ATRX: variants seen among roughly 807,000 people sequenced by gnomAD.
The protein encoded by ATRX is ATRX chromatin remodeler.
ATRX carries 12 observed loss-of-function variants against 172.6 expected under a neutral mutation model. The ratio of observed to expected loss-of-function variants is 0.07; its 90% CI spans 0.04 to 0.11. ATRX has a LOEUF of 0.11. ATRX is among the 10% of genes least tolerant of loss of function. The probability of loss-of-function intolerance (pLI) is 1.00; values close to 1 mark genes in which losing one functional copy is unlikely to be tolerated. For missense variants in ATRX, 1,368 were observed against 1,767.4 expected, an observed-to-expected ratio of 0.77 and a Z score of 4.05; for synonymous variants, 674 against 594.7, an observed-to-expected ratio of 1.13 and a Z score of -1.94.
At chrX:77,780,034 T>C (rs941980802) in intron 1 of ATRX, among the ~76,000 whole-genome samples, 4 of 112,007 alleles carry the variant, frequency 3.6e-5, no homozygotes, top group Non-Finnish European at 5.6e-5. Flanking sequence ...GGCAGAAATA[T>C]ACTGGATATA....
intron 2 of ATRX, among the ~76,000 whole-genome samples, chrX:77,708,714 T>C (rs1379564046): frequency 9.1e-6 from 1 of 110,158 alleles, no homozygotes; most frequent in Non-Finnish European, 1.9e-5. Flanking sequence ...AGAAACTAGA[T>C]TAGTGATTTC....
At chrX:77,679,393 A>G (rs1267208001) in intron 9 of ATRX, among the ~76,000 whole-genome samples, 1 of 111,319 alleles carries the variant, frequency 9.0e-6, no homozygotes, top group Non-Finnish European at 1.9e-5. Context: ...GAAAAAGTTT[A>G]CTCCCCATCA....
intron 22 of ATRX, among the ~76,000 whole-genome samples, chrX:77,608,386 A>G (rs2067011929): frequency 9.4e-6 from 1 of 106,896 alleles, no homozygotes; most frequent in Non-Finnish European, 1.9e-5. Context: ...AAAAAAAAAA[A>G]GACACATAGG....
chrX:77,745,433 G>T (rs1003550920), intron 1 of ATRX, among the ~76,000 whole-genome samples: 19 of 111,405 alleles, frequency 1.7e-4, no homozygotes, highest in Non-Finnish European at 3.2e-4. Flanking sequence ...TCCTGTCATT[G>T]CAACAACATG....
At chrX:77,615,781 T>C (rs1557096413) in intron 22 of ATRX, among the ~76,000 whole-genome samples, 2 of 111,289 alleles carry the variant, frequency 1.8e-5, no homozygotes, top group African/African-American at 6.5e-5. Flanking sequence ...TTAGCTATAA[T>C]TATCATGTTA....
intron 1 of ATRX, among the ~76,000 whole-genome samples, chrX:77,775,962 C>G (rs1420666693): frequency 2.7e-5 from 3 of 110,931 alleles, no homozygotes; most frequent in Non-Finnish European, 5.7e-5. Context: ...GAACTCCTGA[C>G]CTCAGGAGAA....
Position 77,683,778 on chromosome X carries a change from T to C in ATRX, c.1478A>G (p.His493Arg), listed in dbSNP as rs947189709. 10 of 1,208,730 alleles carry C rather than the reference T, an allele frequency of 8.3e-6. No individual in the cohort carries two copies. Among genetic ancestry groups the C allele is most frequent in the African/African-American group, 5.2e-5 (3 of 57,264 alleles). Residue 493 changes from histidine (H) to arginine (R), a missense_variant, in exon 9 of 35, where the codon CAT becomes CGT. Coordinates refer to ENST00000373344, the MANE Select transcript of ATRX (RefSeq NM_000489.6). ...TTCTTCTTTTCTATCAGATTTCTTATGTTCACCACCGGTACTTTTATTTGT... is the reference window on the plus strand; with the variant it reads ...TTCTTCTTTTCTATCAGATTTCTTACGTTCACCACCGGTACTTTTATTTGT... ...QRTNKSTGGE[H>R]KKSDRKEEPQ...
chrX:77,773,538 A>G (rs899403572), intron 1 of ATRX, among the ~76,000 whole-genome samples: 2 of 109,901 alleles, frequency 1.8e-5, no homozygotes, highest in African/African-American at 3.3e-5. Flanking sequence ...CGGATCACGA[A>G]GTCAGGATAT....
At chrX:77,550,596 G>T (rs2064450903) in intron 30 of ATRX, among the ~76,000 whole-genome samples, 1 of 111,420 alleles carries the variant, frequency 9.0e-6, no homozygotes, top group African/African-American at 3.3e-5. Flanking sequence ...ATTCAACATA[G>T]TGTTGGAAGT....
intron 6 of ATRX, among the ~76,000 whole-genome samples, chrX:77,690,069 G>C (rs1391048281): frequency 8.9e-6 from 1 of 111,828 alleles, no homozygotes; most frequent in Non-Finnish European, 1.9e-5. Flanking sequence ...ATTTTTATTT[G>C]TAGAAACTTT....
At chrX:77,594,087 G>A (rs2066383820) in intron 25 of ATRX, 1 of 328,859 alleles carries the variant, frequency 3.0e-6, no homozygotes, top group Non-Finnish European at 5.3e-6. Context: ...TGCCAAATAA[G>A]AGAACAAGCA....
At position 77,696,648 on chromosome X, in the gene ATRX, T is replaced by C. The variant is rs782377443; in HGVS notation, c.299A>G (p.Asp100Gly). 1.7e-6 allele frequency: 2 copies of C among 1,201,077 alleles called. No individual in the cohort carries two copies. Among genetic ancestry groups the C allele is most frequent in the South Asian group, 3.5e-5 (2 of 56,643 alleles). The change falls in exon 5 of 35, where the codon GAT (aspartate) becomes GGT (glycine). Residue 100 changes from aspartate (D) to glycine (G), a missense_variant. By Grantham distance (94) the Asp-to-Gly change is moderately conservative (BLOSUM62 -1). Around this residue, in one of 17 missense-constraint regions of ATRX, gnomAD observed 84 missense variants for 82.8 expected, o/e 1.01. Coordinates refer to ENST00000373344, the MANE Select transcript of ATRX (RefSeq NM_000489.6). ...AGACGCATCTTCATTTACAGTTTCA[T>C]CATCCAAAGGTTTTTCATCATCTGA... is the stretch of plus-strand genomic sequence containing the variant. ...VESDDEKPLD[D>G]ETVNEDASNE...
At position 77,521,453 on chromosome X, in the gene ATRX, T is replaced by C. The variant is rs1233270114; in HGVS notation, c.7021A>G (p.Ser2341Gly). Residue 2341 changes from serine (S) to glycine (G), a missense_variant, in exon 33 of 35, where the codon AGT becomes GGT. Around this residue, in one of 17 missense-constraint regions of ATRX, gnomAD observed 100 missense variants for 153.9 expected, o/e 0.65. Transcript: ENST00000373344. ...GGTTGAATCCTCACTGCTGTCACAC[T>C]GTTTGTTGCTTCTACAACTTTTTCT... is the stretch of plus-strand genomic sequence containing the variant. ...GREKVVEATNSVTAVRIQPLE... is the reference protein window; with the variant it reads ...GREKVVEATNGVTAVRIQPLE... 1 of 1,208,582 alleles carries C rather than the reference T, an allele frequency of 8.3e-7. No individual in the cohort carries two copies. Among genetic ancestry groups the C allele is most frequent in the Non-Finnish European group, 1.1e-6 (1 of 893,995 alleles).
At chrX:77,758,724 C>CTTTA (rs2075606719) in intron 1 of ATRX, among the ~76,000 whole-genome samples, 1 of 110,301 alleles carries the variant, frequency 9.1e-6, no homozygotes, top group African/African-American at 3.3e-5. Context: ...CGCCACTGCA[C>CTTTA]TTTAGCCTGG....
chrX:77,663,077 C>T (rs1557123814), intron 12 of ATRX, among the ~76,000 whole-genome samples: 1 of 111,575 alleles, frequency 9.0e-6, no homozygotes, highest in Non-Finnish European at 1.9e-5. Flanking sequence ...GACAGGGTCT[C>T]ACTCTGTCGC....
intron 1 of ATRX, among the ~76,000 whole-genome samples, chrX:77,777,313 G>A (rs1227140284): frequency 9.2e-6 from 1 of 108,490 alleles, no homozygotes; most frequent in African/African-American, 3.4e-5. Flanking sequence ...CCCAAGAGGC[G>A]GAGGTTGCAG....
chrX:77,719,750 C>T (rs937226013), intron 1 of ATRX, among the ~76,000 whole-genome samples: 3 of 111,221 alleles, frequency 2.7e-5, no homozygotes, highest in African/African-American at 9.8e-5. Context: ...TTTAATAACC[C>T]ACTGTCAATA....
At chrX:77,604,751 C>T (rs782610176) in intron 22 of ATRX, among the ~76,000 whole-genome samples, 45 of 112,312 alleles carry the variant, frequency 4.0e-4, no homozygotes, top group African/African-American at 1.4e-3. Flanking sequence ...TGAAATCAAC[C>T]TAAGTGTCTA....
intron 16 of ATRX, among the ~76,000 whole-genome samples, chrX:77,635,182 G>T (rs1414652117): frequency 9.0e-6 from 1 of 111,238 alleles, no homozygotes; most frequent in Admixed American, 9.6e-5. Flanking sequence ...ATACTCAGGA[G>T]GCTGAGTTGG....
Sources: allele counts gnomAD v4.1 joint callset (sites outside exome capture counted in the v4.1 genomes callset), GRCh38; gene constraint gnomAD v4.1.1; regional missense constraint gnomAD v4.1.1; transcripts MANE v1.5; gene names NCBI Gene and HGNC (gene_info 2026-07-23, HGNC 2026-07-21).